Variants in ITFG1 observed in about 807,000 individuals in gnomAD.
ITFG1 encodes the protein integrin alpha FG-GAP repeat containing 1, also known as T-cell immunomodulatory protein.
In ITFG1, 34 loss-of-function variants were observed where a neutral mutation model predicts 81.8. The ratio of observed to expected loss-of-function variants is 0.42; its 90% confidence interval spans 0.32 to 0.55. The LOEUF (loss-of-function observed/expected upper bound fraction) is 0.55, where lower values mean the gene tolerates loss of function less well. Among genes scored for constraint, ITFG1 ranks in the 20% least tolerant of loss-of-function variants. The probability of loss-of-function intolerance (pLI) is 0.17; values close to 1 mark genes in which losing one functional copy is unlikely to be tolerated. For missense variants in ITFG1, 672 were observed against 755.4 expected, an observed-to-expected ratio of 0.89 and a Z score of 1.29; for synonymous variants, 285 against 270.6, an observed-to-expected ratio of 1.05 and a Z score of -0.52.
intron 10 of ITFG1, among the ~76,000 whole-genome samples, chr16:47,272,895 A>G (rs981756034): frequency 6.7e-6 from 1 of 149,376 alleles, no homozygotes; most frequent in African/African-American, 2.5e-5. Flanking sequence ...GAATATGCCA[A>G]TATTTGTATA....
At chr16:47,431,317 G>A (rs946420439) in intron 5 of ITFG1, among the ~76,000 whole-genome samples, 8 of 152,180 alleles carry the variant, frequency 5.3e-5, no homozygotes, top group East Asian at 1.9e-4. Flanking sequence ...GAGCTCCGTC[G>A]CCTGTCAGAT....
intron 8 of ITFG1, among the ~76,000 whole-genome samples, chr16:47,348,028 C>G (rs555875735): frequency 6.6e-6 from 1 of 152,282 alleles, no homozygotes; most frequent in East Asian, 1.9e-4. Context: ...AACTAACAAA[C>G]AGAAAGGACA....
At chr16:47,420,354 A>C (rs1968929348) in intron 6 of ITFG1, among the ~76,000 whole-genome samples, 1 of 152,196 alleles carries the variant, frequency 6.6e-6, no homozygotes, top group Admixed American at 6.5e-5. Context: ...TGTTGGGCCT[A>C]TTTGGTCTAA....
chr16:47,160,899 T>A (rs1964794629), intron 16 of ITFG1, among the ~76,000 whole-genome samples: 1 of 152,118 alleles, frequency 6.6e-6, no homozygotes, highest in Admixed American at 6.6e-5. Context: ...AATCAATACA[T>A]TCGATCGAGA....
At chr16:47,443,469 T>A (rs1345740672) in intron 5 of ITFG1, among the ~76,000 whole-genome samples, 2 of 152,088 alleles carry the variant, frequency 1.3e-5, no homozygotes, top group Admixed American at 1.3e-4. Context: ...TGCGACACTA[T>A]TCACAATAGC....
chr16:47,192,342 A>C (rs1448534045), intron 14 of ITFG1, among the ~76,000 whole-genome samples: 1 of 152,178 alleles, frequency 6.6e-6, no homozygotes. Flanking sequence ...AGAGACGAAA[A>C]CATCATCTAA....
intron 14 of ITFG1, among the ~76,000 whole-genome samples, chr16:47,205,158 T>C (rs1391310951): frequency 6.6e-5 from 10 of 152,376 alleles, no homozygotes; most frequent in Non-Finnish European, 1.5e-4. Context: ...TTTTGTGATA[T>C]TTGTGAGTTT....
At chr16:47,355,918 GA>G (rs1279518912) in intron 8 of ITFG1, among the ~76,000 whole-genome samples, 4 of 152,180 alleles carry the variant, frequency 2.6e-5, no homozygotes, top group Non-Finnish European at 5.9e-5. Context: ...AGCAGATGGA[GA>G]AGATTCACTA....
At position 47,334,201 on chromosome 16, in the gene ITFG1, C is replaced by T. The variant is rs558990750; in HGVS notation, c.803-20378G>A. On this transcript the variant is annotated intron_variant, in intron 8 of 17. Coordinates refer to ENST00000320640, the MANE Select transcript of ITFG1 (RefSeq NM_030790.5). The stretch of plus-strand genomic sequence containing the variant: ...CAGCGGTTCATATCTGTAATCCCAG[C>T]ACTTTGGGAGGCTGAAGCAGGTGGA... 3.1e-4 allele frequency among the ~76,000 whole-genome samples: 47 copies of T among 152,262 alleles called. No individual in the cohort carries two copies. The South Asian group carries it at 9.7e-3, about 32-fold the overall frequency.
intron 6 of ITFG1, among the ~76,000 whole-genome samples, chr16:47,420,166 T>A (rs1445781276): frequency 2.0e-5 from 3 of 152,146 alleles, no homozygotes; most frequent in Non-Finnish European, 4.4e-5. Context: ...CTCTTGTCAT[T>A]GATTTCTAGT....
At chr16:47,270,956 T>C (rs1035479489) in intron 10 of ITFG1, among the ~76,000 whole-genome samples, 5 of 152,222 alleles carry the variant, frequency 3.3e-5, no homozygotes, top group African/African-American at 1.2e-4. Flanking sequence ...GTGATGGATA[T>C]GTTCATTATC....
At chr16:47,240,393 G>A (rs536917826) in intron 12 of ITFG1, among the ~76,000 whole-genome samples, 16 of 151,082 alleles carry the variant, frequency 1.1e-4, no homozygotes, top group Admixed American at 3.3e-4. Flanking sequence ...ACCTCCCTAC[G>A]TAAAATGTAT....
intron 8 of ITFG1, among the ~76,000 whole-genome samples, chr16:47,351,864 T>C (rs1476839639): frequency 6.6e-6 from 1 of 151,992 alleles, no homozygotes; most frequent in African/African-American, 2.4e-5. Flanking sequence ...CAAACAGAGA[T>C]AGAGACCAAT....
At chr16:47,258,428 C>G (rs1384603361) in intron 12 of ITFG1, among the ~76,000 whole-genome samples, 1 of 152,144 alleles carries the variant, frequency 6.6e-6, no homozygotes, top group Non-Finnish European at 1.5e-5. Context: ...TATTTCTGGA[C>G]AGAATCCTGG....
rs559207727 is a variant in ITFG1, at chr16:47,170,386, A to G, written c.1454-7722T>C. Among the ~76,000 whole-genome samples, 170 of 148,000 alleles carry G rather than the reference A, an allele frequency of 1.1e-3. 1 individual carries two copies. The highest frequency in any genetic ancestry group is 3.6e-3 in the Middle Eastern group (1 of 280). On this transcript the variant is annotated intron_variant, in intron 14 of 17. Coordinates refer to ENST00000320640, the MANE Select transcript of ITFG1 (RefSeq NM_030790.5). Reference sequence around the variant, plus strand: ...TGTTACAGGTAGGTTGACATTGTCTATTTCCTCTTGGGTCAGTTTTGTATT... The same window carrying G: ...TGTTACAGGTAGGTTGACATTGTCTGTTTCCTCTTGGGTCAGTTTTGTATT...
At chr16:47,290,136 T>C (rs1414163589) in intron 10 of ITFG1, among the ~76,000 whole-genome samples, 1 of 152,186 alleles carries the variant, frequency 6.6e-6, no homozygotes, top group Non-Finnish European at 1.5e-5. Context: ...TTCAAAAGTT[T>C]CTTTGGTTAC....
intron 8 of ITFG1, among the ~76,000 whole-genome samples, chr16:47,348,555 C>G (rs1266047898): frequency 1.3e-5 from 2 of 152,072 alleles, no homozygotes; most frequent in African/African-American, 4.8e-5. Flanking sequence ...AAATATGGGA[C>G]TATGTGAAAA....
chr16:47,261,991 TA>T (rs1238705328), intron 10 of ITFG1, among the ~76,000 whole-genome samples: 4 of 152,240 alleles, frequency 2.6e-5, no homozygotes, highest in African/African-American at 9.6e-5. Flanking sequence ...TTACTTTAAA[TA>T]AATCAGTACA....
intron 10 of ITFG1, among the ~76,000 whole-genome samples, chr16:47,268,573 G>A (rs1966303898): frequency 6.6e-6 from 1 of 152,338 alleles, no homozygotes; most frequent in Middle Eastern, 3.4e-3. Flanking sequence ...TATTCTTCAT[G>A]AGGATAGATG....
Sources: gnomAD v4.1 joint callset for allele counts (sites outside exome capture counted in the v4.1 genomes callset) on GRCh38, gnomAD v4.1.1 for gene constraint, MANE v1.5 for transcripts, NCBI Gene and HGNC (gene_info 2026-07-23, HGNC 2026-07-21) for gene names.